The following BACC1 variants were observed in gnomAD, a reference collection of about 807,000 sequenced individuals.
BACC1 encodes the protein BPTF-associated chromatin complex component 1.
chr17:7,015,521 C>T, the BACC1 span: 7 of 1,410,186 alleles, frequency 5.0e-6, no homozygotes, highest in Non-Finnish European at 6.4e-6. Context: ...GTACAGCAGC[C>T]GTTTAACGTT....
chr17:7,017,237 C>T, the BACC1 span: 1 of 1,614,124 alleles, frequency 6.2e-7, no homozygotes, highest in Non-Finnish European at 8.5e-7. Context: ...CATCTCGGCC[C>T]ATTTTACTTC....
chr17:7,015,000 G>C, the BACC1 span: 1 of 1,428,818 alleles, frequency 7.0e-7, no homozygotes, highest in African/African-American at 1.5e-5. The surrounding 1 kb of genome is among the most constrained non-coding windows in gnomAD (Gnocchi z 4.5). Context: ...GGTGGGGCTA[G>C]GGGCTCCGGG....
the BACC1 span, chr17:7,016,929 G>A: frequency 1.2e-6 from 2 of 1,613,682 alleles, no homozygotes; most frequent in Non-Finnish European, 1.7e-6. Flanking sequence ...TCAGTGCTCT[G>A]AACGACTCCG....
chr17:7,016,982 C>T, the BACC1 span: 1 of 1,614,038 alleles, frequency 6.2e-7, no homozygotes. Context: ...CTAGGAGAAA[C>T]TCCTCCAGCT....
chr17:7,016,501 G>A, the BACC1 span: 23 of 1,613,266 alleles, frequency 1.4e-5, no homozygotes, highest in Non-Finnish European at 1.9e-5. Context: ...TCAGGGCCCA[G>A]ATAAAGGCCA....
the BACC1 span, chr17:7,016,654 CG>C: frequency 6.2e-7 from 1 of 1,612,644 alleles, no homozygotes; most frequent in African/African-American, 1.3e-5. Flanking sequence ...TCCCTGAGGC[CG>C]GGGGTCCCCC....
At chr17:7,016,797 T>C in the BACC1 span, 1 of 1,526,908 alleles carries the variant, frequency 6.5e-7, no homozygotes, top group Admixed American at 1.8e-5. Flanking sequence ...CCTGTGGAGG[T>C]TCCCAGAGAG....
the BACC1 span, chr17:7,015,886 G>T: frequency 3.1e-6 from 5 of 1,612,032 alleles, no homozygotes; most frequent in Non-Finnish European, 4.2e-6. Flanking sequence ...GTGAGGGAGG[G>T]TGGCTGCCAG....
the BACC1 span, chr17:7,015,949 CAG>C: frequency 1.6e-6 from 2 of 1,269,692 alleles, no homozygotes; most frequent in Non-Finnish European, 2.3e-6. Flanking sequence ...CCATCGTCCT[CAG>C]AACTCCTTTC....
the BACC1 span, chr17:7,016,370 CCAATGGGTT>C: frequency 2.0e-6 from 2 of 978,562 alleles, no homozygotes; most frequent in Non-Finnish European, 3.1e-6. Context: ...GAGAACCCTA[CCAATGGGTT>C]GGGGCCCCGA....
chr17:7,015,522 G>A, the BACC1 span: 35 of 1,410,820 alleles, frequency 2.5e-5, no homozygotes, highest in Non-Finnish European at 3.1e-5. Flanking sequence ...TACAGCAGCC[G>A]TTTAACGTTG....
the BACC1 span, chr17:7,015,487 G>A: frequency 7.3e-7 from 1 of 1,371,016 alleles, no homozygotes; most frequent in East Asian, 2.9e-5. Context: ...AGCCCTTCCT[G>A]GCGAGTTGGT....
the BACC1 span, chr17:7,017,111 A>G: frequency 1.2e-5 from 19 of 1,521,014 alleles, no homozygotes; most frequent in Admixed American, 3.2e-4. Context: ...CCTCCCTTGT[A>G]TAGGGGTTTC....
At chr17:7,015,767 C>A in the BACC1 span, 2 of 1,613,156 alleles carry the variant, frequency 1.2e-6, no homozygotes, top group Non-Finnish European at 1.7e-6. Flanking sequence ...CTCTCCCCTT[C>A]TGACAGTGCG....
chr17:7,014,793 T>C, the BACC1 span: 12 of 1,518,044 alleles, frequency 7.9e-6, no homozygotes, highest in African/African-American at 1.4e-5. This position sits in a 1 kb window ranked among gnomAD's most constrained non-coding sequence, Gnocchi z 4.5. Context: ...GTCTCCCTGC[T>C]CTCCGTGGTC....
the BACC1 span, chr17:7,017,496 G>A: frequency 1.4e-6 from 1 of 720,646 alleles, no homozygotes; most frequent in South Asian, 1.5e-5. Context: ...TTTTTATACA[G>A]AAAACAATAA....
chr17:7,016,915 ACACT>A, the BACC1 span: 2 of 1,613,418 alleles, frequency 1.2e-6, no homozygotes, highest in South Asian at 1.1e-5. Context: ...CCCAGATGTG[ACACT>A]CAGTGCTCTG....
the BACC1 span, chr17:7,015,106 C>T: frequency 3.8e-6 from 6 of 1,580,376 alleles, no homozygotes; most frequent in African/African-American, 4.1e-5. Context: ...TCACGAAGCT[C>T]GGGGAGCTGA....
chr17:7,015,015 A>C, the BACC1 span: 1 of 1,420,066 alleles, frequency 7.0e-7, no homozygotes, highest in Non-Finnish European at 9.2e-7. Flanking sequence ...TCCGGGCGGG[A>C]CGGGGAGGGC....
Sources: allele counts gnomAD v4.1 joint callset, GRCh38; gene constraint gnomAD v4.1.1; non-coding constraint Gnocchi (gnomAD v3.1); transcripts MANE v1.5; gene names NCBI Gene and HGNC (gene_info 2026-07-23, HGNC 2026-07-21).